CEP164: variants seen among roughly 807,000 people sequenced by gnomAD.
CEP164 encodes centrosomal protein 164, also known as centrosomal protein of 164 kDa.
In CEP164, 162 loss-of-function variants were observed where a neutral mutation model predicts 182.7. That is an observed-to-expected ratio of 0.89 (90% CI 0.78 to 1.01). CEP164 has a LOEUF of 1.01. CEP164 is among the 50% of genes least tolerant of loss of function. The pLI, the probability that CEP164 is intolerant of heterozygous loss-of-function variation, is 0.00. For synonymous variants in CEP164, 661 were observed against 690.0 expected (o/e 0.96, Z 0.66); for missense variants, 1,735 against 1,790.4 (o/e 0.97, Z 0.56).
intron 27 of CEP164, among the ~76,000 whole-genome samples, chr11:117,406,585 T>C (rs2046699654): frequency 6.6e-6 from 1 of 152,248 alleles, no homozygotes; most frequent in Admixed American, 6.5e-5. Flanking sequence ...GCTTTGCCTT[T>C]CCATTCTGTC....
At chr11:117,360,621 C>T (rs2040820948) in intron 5 of CEP164, among the ~76,000 whole-genome samples, 1 of 152,152 alleles carries the variant, frequency 6.6e-6, no homozygotes, top group South Asian at 2.1e-4. Context: ...GATCTTCCTA[C>T]CTTGGGCTCC....
At chr11:117,349,026 CA>C (rs1299224421) in intron 4 of CEP164, among the ~76,000 whole-genome samples, 1 of 151,790 alleles carries the variant, frequency 6.6e-6, no homozygotes, top group Admixed American at 6.6e-5. Flanking sequence ...TTCTATTTAT[CA>C]ATTTTTTTTT....
At chr11:117,333,465 ACTCCTAGTAG>A (rs1393374458) in intron 1 of CEP164, among the ~76,000 whole-genome samples, 1 of 152,082 alleles carries the variant, frequency 6.6e-6, no homozygotes, top group African/African-American at 2.4e-5. Flanking sequence ...TTTAGGGTGT[ACTCCTAGTAG>A]CTTCTGGAGT....
At position 117,373,968 on chromosome 11, in the gene CEP164, CCA is replaced by C. The variant is rs1306541313; in HGVS notation, c.1233+138_1233+139del. 5 of 663,754 alleles carry C rather than the reference CCA, an allele frequency of 7.5e-6. No homozygotes were observed. In the East Asian group the frequency reaches 1.1e-4, roughly 15 times the overall value. 41.1% of individuals were successfully genotyped at this position (663,754 alleles called of 1,614,324 possible). On this transcript the variant is annotated intron_variant, in intron 10 of 32. Coordinates refer to ENST00000278935, the MANE Select transcript of CEP164 (RefSeq NM_014956.5). ...ACTCATGCTTGAGTCTTGTCTAGCT[CCA>C]GTTTCTCAACCCATTAACTAAGGGT...
intron 27 of CEP164, among the ~76,000 whole-genome samples, chr11:117,400,780 C>T (rs1243025389): frequency 1.3e-5 from 2 of 152,116 alleles, no homozygotes; most frequent in Non-Finnish European, 2.9e-5. Flanking sequence ...TGCTTTGGCT[C>T]TCCGTTTGCC....
At chr11:117,399,561 T>A (rs2045913028) in intron 27 of CEP164, among the ~76,000 whole-genome samples, 1 of 152,234 alleles carries the variant, frequency 6.6e-6, no homozygotes, top group African/African-American at 2.4e-5. Flanking sequence ...ATCACCACAC[T>A]GTCTTCCACA....
chr11:117,380,584 C>G (rs1426120579), intron 11 of CEP164, 30 bp from the exon 12 acceptor site: 1 of 1,560,270 alleles, frequency 6.4e-7, no homozygotes, highest in African/African-American at 1.4e-5. Flanking sequence ...GTCCCTCCAA[C>G]ACAAACTTTT....
At chr11:117,403,619 A>G (rs2136707757) in intron 27 of CEP164, among the ~76,000 whole-genome samples, 1 of 152,148 alleles carries the variant, frequency 6.6e-6, no homozygotes. Flanking sequence ...GGTGAATCTG[A>G]TGATAATGTG....
In CEP164 at chr11:117,354,003, CCTT is replaced by C. The variant is rs142197131; in HGVS notation, c.393+2034_393+2036del. Among the ~76,000 whole-genome samples the C allele has an allele frequency of 2.7e-3, 319 of 119,612 alleles. 3 individuals are homozygous for C. The highest frequency in any genetic ancestry group is 9.3e-3 in the African/African-American group (289 of 30,912). 78.5% of individuals were successfully genotyped at this position (119,612 alleles called of 152,430 possible). ...AAGGTTGGTGGACTTTTCTTCTTCT[CCTT>C]CTTCTTCTTCTTCTTCTTTTTTTTT... On this transcript the variant is annotated intron_variant, in intron 5 of 32. Coordinates refer to ENST00000278935, the MANE Select transcript of CEP164 (RefSeq NM_014956.5).
chr11:117,355,529 A>G (rs542662210), intron 5 of CEP164: 1 of 1,278,148 alleles, frequency 7.8e-7, no homozygotes, highest in African/African-American at 1.5e-5. Flanking sequence ...CAAGGGCCAA[A>G]GCCCCATTCC....
intron 13 of CEP164, 40 bp downstream of exon 13, chr11:117,381,908 G>T: frequency 6.9e-7 from 1 of 1,451,950 alleles, no homozygotes; most frequent in South Asian, 1.5e-5. Context: ...GATGAGGGCT[G>T]GTGGCTGCTC....
At chr11:117,356,225 T>A (rs61903741) in intron 5 of CEP164, 34,971 of 1,088,516 alleles carry the variant, frequency 0.032, 670 homozygotes, top group Non-Finnish European at 0.035. Flanking sequence ...AAGTGAAGAC[T>A]ACTCTGAGGA....
chr11:117,377,618 A>C (rs1408908694), intron 11 of CEP164, among the ~76,000 whole-genome samples: 1 of 152,128 alleles, frequency 6.6e-6, no homozygotes, highest in Non-Finnish European at 1.5e-5. Context: ...GCTCTTGCCC[A>C]TTTTGCCGTA....
chr11:117,360,255 A>G (rs1411548320), intron 5 of CEP164, among the ~76,000 whole-genome samples: 1 of 151,652 alleles, frequency 6.6e-6, no homozygotes, highest in Non-Finnish European at 1.5e-5. Flanking sequence ...ATAACCTTGA[A>G]CTCCTGGGCT....
intron 5 of CEP164, among the ~76,000 whole-genome samples, chr11:117,357,308 C>T (rs1054210177): frequency 2.0e-5 from 3 of 151,990 alleles, no homozygotes; most frequent in Non-Finnish European, 4.4e-5. Flanking sequence ...GGAGTTTTGC[C>T]ATGTTGGCCA....
intron 8 of CEP164, among the ~76,000 whole-genome samples, chr11:117,366,213 G>C (rs2041620248): frequency 6.6e-6 from 1 of 151,994 alleles, no homozygotes; most frequent in Admixed American, 6.6e-5. Context: ...CCTGCTCTTT[G>C]AAAATGGCTT....
intron 27 of CEP164, among the ~76,000 whole-genome samples, chr11:117,399,908 T>G (rs552886929): frequency 2.6e-4 from 40 of 152,344 alleles, no homozygotes; most frequent in African/African-American, 9.1e-4. Flanking sequence ...ATGGGTAGAT[T>G]GCAAAAATTT....
intron 11 of CEP164, among the ~76,000 whole-genome samples, chr11:117,379,188 G>C (rs1283458610): frequency 6.6e-6 from 1 of 152,186 alleles, no homozygotes; most frequent in Non-Finnish European, 1.5e-5. Flanking sequence ...GCCCTGGCAG[G>C]GAGCCCTTCT....
At chr11:117,374,716 C>A (rs1040570956) in intron 10 of CEP164, among the ~76,000 whole-genome samples, 1 of 152,248 alleles carries the variant, frequency 6.6e-6, no homozygotes, top group Non-Finnish European at 1.5e-5. Context: ...TCACAGCTCT[C>A]TCGGAAGCAA....
Sources: allele counts gnomAD v4.1 joint callset (sites outside exome capture counted in the v4.1 genomes callset), GRCh38; gene constraint gnomAD v4.1.1; transcripts MANE v1.5; gene names NCBI Gene and HGNC (gene_info 2026-07-23, HGNC 2026-07-21).